KSR2: variants seen among roughly 807,000 people sequenced by gnomAD.
KSR2 encodes the protein kinase suppressor of ras 2.
KSR2 carries 25 observed loss-of-function variants against 107.8 expected under a neutral mutation model. The observed-to-expected ratio is 0.23, with a 90% CI of 0.17 to 0.32. The LOEUF is 0.32. Ranked by LOEUF, KSR2 falls within the 10% of genes least tolerant of loss-of-function variation. The pLI, the probability that KSR2 is intolerant of heterozygous loss-of-function variation, is 1.00. For missense variants in KSR2, 887 were observed against 1,268.9 expected (o/e 0.70, Z 4.57); for synonymous variants, 480 against 507.0 (o/e 0.95, Z 0.71).
chr12:117,768,653 G>A (rs1032953904), intron 3 of KSR2, among the ~76,000 whole-genome samples: 1 of 152,194 alleles, frequency 6.6e-6, no homozygotes, highest in African/African-American at 2.4e-5. Flanking sequence ...ATCTGGATGG[G>A]AGATGACGGG....
intron 4 of KSR2, among the ~76,000 whole-genome samples, chr12:117,752,188 G>A (rs1323085480): frequency 6.6e-6 from 1 of 152,156 alleles, no homozygotes; most frequent in African/African-American, 2.4e-5. Flanking sequence ...TTGAGTGAAG[G>A]TATAATAAAC....
intron 4 of KSR2, among the ~76,000 whole-genome samples, chr12:117,711,317 G>A (rs1886769224): frequency 6.6e-6 from 1 of 152,250 alleles, no homozygotes; most frequent in African/African-American, 2.4e-5. Flanking sequence ...AGGATCAGAA[G>A]GAGTCAGCCA....
chr12:117,504,840 T>C (rs1873579651), intron 14 of KSR2, among the ~76,000 whole-genome samples: 1 of 152,210 alleles, frequency 6.6e-6, no homozygotes, highest in South Asian at 2.1e-4. Context: ...ATTCTGAGAT[T>C]TTAGTGTACC....
intron 5 of KSR2, among the ~76,000 whole-genome samples, chr12:117,600,573 G>T (rs77879987): frequency 1.3e-5 from 2 of 152,108 alleles, no homozygotes; most frequent in Admixed American, 6.5e-5. Context: ...CAGGATTGAT[G>T]AACTCCTAAA....
At chr12:117,865,261 T>C (rs1893433457) in intron 1 of KSR2, among the ~76,000 whole-genome samples, 1 of 152,168 alleles carries the variant, frequency 6.6e-6, no homozygotes, top group African/African-American at 2.4e-5. Flanking sequence ...TAAGTTCTGA[T>C]TTTGAAATTA....
intron 5 of KSR2, among the ~76,000 whole-genome samples, chr12:117,619,659 T>TATGTGAGTA: frequency 6.6e-6 from 1 of 151,252 alleles, no homozygotes; most frequent in Middle Eastern, 3.2e-3. Context: ...GTTATTAGTA[T>TATGTGAGTA]TTTTAACATT....
At chr12:117,792,839 C>T (rs1890305235) in intron 3 of KSR2, among the ~76,000 whole-genome samples, 1 of 152,134 alleles carries the variant, frequency 6.6e-6, no homozygotes, top group South Asian at 2.1e-4. Flanking sequence ...GACACCAAGG[C>T]AAATATTGGT....
intron 4 of KSR2, among the ~76,000 whole-genome samples, chr12:117,754,629 C>A (rs1194175194): frequency 7.1e-6 from 1 of 141,684 alleles, no homozygotes; most frequent in African/African-American, 2.8e-5. Context: ...CAGAGTGAGG[C>A]TCCATCTCAA....
chr12:117,840,975 C>T (rs974046019), intron 3 of KSR2, among the ~76,000 whole-genome samples: 5 of 148,522 alleles, frequency 3.4e-5, no homozygotes, highest in East Asian at 4.0e-4. Flanking sequence ...GCAATCTAGC[C>T]GGGGCGACAG....
chr12:117,712,494 A>G (rs1886823114), intron 4 of KSR2, among the ~76,000 whole-genome samples: 1 of 152,212 alleles, frequency 6.6e-6, no homozygotes, highest in Non-Finnish European at 1.5e-5. Context: ...ATGCCCACCC[A>G]GCAACAAGAC....
rs1237963718 is a variant in KSR2 at position 117,458,386 on chromosome 12, G to C, written c.*8813C>G. ...TGGAGGTCAGGGTATTTTTAAACTA[G>C]AAGAACTAGCCAAGCTGGTTTTTTT... On this transcript the variant is annotated 3_prime_UTR_variant, in exon 20 of 20. Transcript: ENST00000339824. 1 of 147,874 alleles carries C rather than the reference G, an allele frequency of 6.8e-6. No homozygotes were observed. The highest frequency in any genetic ancestry group is 2.5e-5 in the African/African-American group (1 of 39,518). 9.2% of individuals were successfully genotyped at this position (147,874 alleles called of 1,614,324 possible). A position where few individuals can be genotyped will look rare whatever the true frequency, so the allele number is the denominator to read the frequency against.
Position 117,459,724 on chromosome 12 carries a change from A to T in KSR2, c.*7475T>A, listed in dbSNP as rs1177985967. 2 of 152,216 alleles carry T rather than the reference A, an allele frequency of 1.3e-5. No individual in the cohort carries two copies. The highest frequency in any genetic ancestry group is 6.5e-5 in the Admixed American group (1 of 15,282). The allele number at this position is 152,216 out of a possible 1,614,324, so 9.4% of individuals were successfully genotyped here. On this transcript the variant is annotated 3_prime_UTR_variant, in exon 20 of 20. Coordinates refer to ENST00000339824, the MANE Select transcript of KSR2 (RefSeq NM_173598.6). Reference sequence around the variant, plus strand: ...AACACACAGCAGATTTGACCCCTCCATTGGAAGACACCATCAGCCAGATGT... The same window carrying T: ...AACACACAGCAGATTTGACCCCTCCTTTGGAAGACACCATCAGCCAGATGT...
chr12:117,904,458 A>G (rs1457720430), intron 1 of KSR2, among the ~76,000 whole-genome samples: 6 of 152,198 alleles, frequency 3.9e-5, no homozygotes, highest in Non-Finnish European at 7.3e-5. Flanking sequence ...CATTTTCCAC[A>G]TCAACACTTG....
intron 8 of KSR2, among the ~76,000 whole-genome samples, chr12:117,556,454 C>T (rs1476800119): frequency 6.6e-6 from 1 of 152,096 alleles, no homozygotes; most frequent in Admixed American, 6.5e-5. Context: ...AGATGGTTCT[C>T]AATTAAGGAT....
At chr12:117,837,104 C>T (rs1308758972) in intron 3 of KSR2, among the ~76,000 whole-genome samples, 1 of 152,160 alleles carries the variant, frequency 6.6e-6, no homozygotes, top group Non-Finnish European at 1.5e-5. Flanking sequence ...AGCAAGGCCC[C>T]GTCGGAGTAG....
intron 3 of KSR2, among the ~76,000 whole-genome samples, chr12:117,767,078 C>T (rs1371977376): frequency 6.6e-6 from 1 of 151,528 alleles, no homozygotes; most frequent in African/African-American, 2.4e-5. Flanking sequence ...GAATTACAGG[C>T]ATGAGCCACT....
intron 1 of KSR2, among the ~76,000 whole-genome samples, chr12:117,939,829 T>C (rs1566091007): frequency 6.6e-6 from 1 of 151,694 alleles, no homozygotes. Flanking sequence ...TAACCCAAGC[T>C]ACTCAGGAGG....
At chr12:117,664,661 A>G (rs1324183546) in intron 5 of KSR2, among the ~76,000 whole-genome samples, 1 of 152,038 alleles carries the variant, frequency 6.6e-6, no homozygotes, top group Non-Finnish European at 1.5e-5. Context: ...ACTGAAATGG[A>G]CCCTCAGGGA....
chr12:117,527,546 G>A (rs1875287164), intron 12 of KSR2, among the ~76,000 whole-genome samples: 1 of 152,172 alleles, frequency 6.6e-6, no homozygotes, highest in African/African-American at 2.4e-5. Flanking sequence ...TCAGATCTCC[G>A]AAGTTCACAC....
Sources: gnomAD v4.1 joint callset for allele counts (sites outside exome capture counted in the v4.1 genomes callset) on GRCh38, gnomAD v4.1.1 for gene constraint, MANE v1.5 for transcripts, NCBI Gene and HGNC (gene_info 2026-07-23, HGNC 2026-07-21) for gene names.